The following SAMD12 variants were observed in gnomAD, a reference collection of about 807,000 sequenced individuals.
SAMD12 encodes the protein sterile alpha motif domain containing 12.
Under a neutral mutation model 15.0 loss-of-function variants are expected in SAMD12, and 9 were observed. That is an observed-to-expected ratio of 0.60 (90% confidence interval 0.36 to 1.05). The LOEUF (loss-of-function observed/expected upper bound fraction) is 1.05. SAMD12 is among the 50% of genes least tolerant of loss of function. The pLI, the probability that SAMD12 is intolerant of heterozygous loss-of-function variation, is 0.01. For synonymous variants in SAMD12, 86 were observed against 90.1 expected (o/e 0.96, Z 0.25); for missense variants, 230 against 234.2 (o/e 0.98, Z 0.12).
chr8:118,612,076 G>A (rs893079605), intron 1 of SAMD12, among the ~76,000 whole-genome samples: 13 of 152,030 alleles, frequency 8.6e-5, no homozygotes, highest in Admixed American at 7.2e-4. Flanking sequence ...TACAAGAAAC[G>A]GTCAACTAAC....
At chr8:118,560,933 T>G (rs1826683580) in intron 2 of SAMD12, among the ~76,000 whole-genome samples, 1 of 152,204 alleles carries the variant, frequency 6.6e-6, no homozygotes, top group African/African-American at 2.4e-5. Context: ...CCAAAAAGTT[T>G]TACAGGGTTA....
rs140401765 is a variant in SAMD12, at chr8:118,351,295, G to A, written c.433+28265C>T. On this transcript the variant is annotated intron_variant, in intron 4 of 4. Transcript: ENST00000409003. The stretch of plus-strand genomic sequence containing the variant: ...GGGATGTCTGCAGGCAGTGAGGGAC[G>A]TACCTCTCAACTCTGCCTACAGTTG... Among the ~76,000 whole-genome samples the A allele has an allele frequency of 6.6e-3, 1,012 of 152,258 alleles. 14 individuals are homozygous for A. Among genetic ancestry groups the A allele is most frequent in the African/African-American group, 0.022 (913 of 41,544 alleles).
intron 4 of SAMD12, among the ~76,000 whole-genome samples, chr8:118,279,031 G>T (rs1356993326): frequency 7.2e-5 from 11 of 152,100 alleles, no homozygotes; most frequent in Admixed American, 3.9e-4. Flanking sequence ...AATGAAATGG[G>T]TGTGTTTATA....
chr8:118,288,480 C>T (rs576102101), intron 4 of SAMD12: 1 of 152,234 alleles, frequency 6.6e-6, no homozygotes, highest in African/African-American at 2.4e-5. Flanking sequence ...AAGTTTGCAA[C>T]CTTTGGAGAC....
intron 4 of SAMD12, among the ~76,000 whole-genome samples, chr8:118,269,220 CTG>C (rs71515963): frequency 0.049 from 5,992 of 122,712 alleles, 186 homozygotes; most frequent in Admixed American, 0.12. Flanking sequence ...CTCTCTCTCT[CTG>C]TGTGTGTGTG....
chr8:118,163,757 C>T, the SAMD12 span, among the ~76,000 whole-genome samples: 2 of 152,154 alleles, frequency 1.3e-5, no homozygotes, highest in Non-Finnish European at 2.9e-5. Context: ...CGCCTGTAGT[C>T]CCAGCTACTC....
intron 2 of SAMD12, among the ~76,000 whole-genome samples, chr8:118,572,712 C>T (rs1267026432): frequency 6.6e-6 from 1 of 152,130 alleles, no homozygotes; most frequent in Non-Finnish European, 1.5e-5. Flanking sequence ...TTCCACGTGG[C>T]TAGGGAAGTC....
intron 2 of SAMD12, among the ~76,000 whole-genome samples, chr8:118,548,423 A>ACCCC (rs1554583432): frequency 8.8e-5 from 11 of 125,360 alleles, no homozygotes; most frequent in African/African-American, 3.3e-4. Flanking sequence ...ACACACACAC[A>ACCCC]CCCCATGTGA....
chr8:118,460,657 G>A (rs1398467002), intron 2 of SAMD12, among the ~76,000 whole-genome samples: 1 of 152,178 alleles, frequency 6.6e-6, no homozygotes, highest in East Asian at 1.9e-4. Flanking sequence ...AGAGTTGGAA[G>A]ATGGTGAGAG....
At chr8:118,297,758 C>CT (rs139900362) in intron 4 of SAMD12, among the ~76,000 whole-genome samples, 10 of 152,002 alleles carry the variant, frequency 6.6e-5, no homozygotes, top group Admixed American at 5.9e-4. Context: ...TGTTCACATA[C>CT]TTTTTTTTAC....
chr8:118,518,528 CA>C (rs1825306174), intron 2 of SAMD12, among the ~76,000 whole-genome samples: 1 of 152,244 alleles, frequency 6.6e-6, no homozygotes, highest in East Asian at 1.9e-4. Flanking sequence ...GATTGTTATT[CA>C]GCTCTGTGTT....
chr8:118,568,069 T>C (rs1484039537), intron 2 of SAMD12, among the ~76,000 whole-genome samples: 1 of 152,144 alleles, frequency 6.6e-6, no homozygotes, highest in Non-Finnish European at 1.5e-5. Flanking sequence ...AAATTATGTA[T>C]GGTTTTAGAA....
intron 4 of SAMD12, among the ~76,000 whole-genome samples, chr8:118,291,000 C>T (rs1347090843): frequency 6.6e-6 from 1 of 152,174 alleles, no homozygotes; most frequent in Non-Finnish European, 1.5e-5. Flanking sequence ...GCCTGCTCCT[C>T]GCTTCACTGG....
the SAMD12 span, among the ~76,000 whole-genome samples, chr8:118,170,727 T>G: frequency 6.6e-6 from 1 of 152,098 alleles, no homozygotes; most frequent in Non-Finnish European, 1.5e-5. Context: ...GGTAAAAGTC[T>G]TAGAAGATAA....
At chr8:118,540,475 T>C (rs1825959202) in intron 2 of SAMD12, among the ~76,000 whole-genome samples, 1 of 152,166 alleles carries the variant, frequency 6.6e-6, no homozygotes, top group Non-Finnish European at 1.5e-5. Flanking sequence ...ATGCAGTGAA[T>C]TGTGCATAAC....
At chr8:118,580,469 C>T (rs1023759294) in intron 2 of SAMD12, among the ~76,000 whole-genome samples, 2 of 152,154 alleles carry the variant, frequency 1.3e-5, no homozygotes, top group African/African-American at 4.8e-5. Flanking sequence ...AAGTCCAGGG[C>T]ATTCTTCTCT....
intron 2 of SAMD12, among the ~76,000 whole-genome samples, chr8:118,523,768 T>C (rs1366196636): frequency 2.0e-5 from 3 of 152,160 alleles, no homozygotes; most frequent in Non-Finnish European, 4.4e-5. Context: ...TGGTCCCTTC[T>C]GTAGCATCTA....
At chr8:118,192,808 A>G (rs1819446369) in exon 5 of SAMD12, 1 of 152,174 alleles carries the variant, frequency 6.6e-6, no homozygotes, top group African/African-American at 2.4e-5. Context: ...CACAAGTCAT[A>G]TGTTTACTTT....
At chr8:118,260,166 C>A (rs1586394968) in intron 4 of SAMD12, among the ~76,000 whole-genome samples, 1 of 152,236 alleles carries the variant, frequency 6.6e-6, no homozygotes, top group African/African-American at 2.4e-5. Context: ...CACAAAATCC[C>A]AAACCCATAT....
Sources: gnomAD v4.1 joint callset for allele counts (sites outside exome capture counted in the v4.1 genomes callset) on GRCh38, gnomAD v4.1.1 for gene constraint, MANE v1.5 for transcripts, NCBI Gene and HGNC (gene_info 2026-07-23, HGNC 2026-07-21) for gene names.